Variants in DIP2C observed in about 807,000 individuals in gnomAD.
The protein encoded by DIP2C is DIP2 acetate--CoA ligase C (putative).
Under a neutral mutation model 192.4 loss-of-function variants are expected in DIP2C, and 33 were observed. The ratio of observed to expected loss-of-function variants is 0.17; its 90% CI spans 0.13 to 0.23. DIP2C has a LOEUF of 0.23. DIP2C is among the 10% of genes least tolerant of loss of function. DIP2C has a pLI of 1.00. For synonymous variants in DIP2C, 979 were observed against 864.1 expected (o/e 1.13, Z -2.33); for missense variants, 1,537 against 2,110.1 (o/e 0.73, Z 5.32).
Position 545,166 on chromosome 10 carries a change from C to CCTTTTTTTTTTTTTTT in DIP2C, c.86-58637_86-58636insAAAAAAAAAAAAAAAG, listed in dbSNP as rs1554896881. Among the ~76,000 whole-genome samples the CCTTTTTTTTTTTTTTT allele has an allele frequency of 2.0e-3, 169 of 86,372 alleles. 1 individual carries two copies. The highest frequency in any genetic ancestry group is 8.3e-3 in the Middle Eastern group (1 of 120). 56.7% of individuals were successfully genotyped at this position (86,372 alleles called of 152,430 possible). A position where few individuals can be genotyped will look rare whatever the true frequency, so the allele number is the denominator to read the frequency against. Reference sequence around the variant, plus strand: ...TGATCCAACATGACTGGTGTTTTCCCTTTTTTTTTTTTTTTTTTTTTTTGA... The same window carrying CCTTTTTTTTTTTTTTT: ...TGATCCAACATGACTGGTGTTTTCCCCTTTTTTTTTTTTTTTTTTTTTTTTTTTTTTTTTTTTTTGA... On this transcript the variant is annotated intron_variant, in intron 1 of 36. Coordinates refer to ENST00000280886, the MANE Select transcript of DIP2C (RefSeq NM_014974.3).
intron 1 of DIP2C, among the ~76,000 whole-genome samples, chr10:657,718 C>T (rs1445513985): frequency 3.2e-5 from 4 of 126,258 alleles, no homozygotes; most frequent in African/African-American, 5.8e-5. Flanking sequence ...CCTGGACCTG[C>T]CCCTGGACCT....
chr10:607,002 G>A (rs1396514890), intron 1 of DIP2C, among the ~76,000 whole-genome samples: 26 of 152,286 alleles, frequency 1.7e-4, no homozygotes, highest in Admixed American at 1.5e-3. Context: ...GAAATGCTGC[G>A]TGGCCATCAA....
Position 276,773 on chromosome 10 carries a change from CT to C in DIP2C, c.*551del, listed in dbSNP as rs1446356013. On this transcript the variant is annotated 3_prime_UTR_variant, in exon 37 of 37. Coordinates refer to ENST00000280886, the MANE Select transcript of DIP2C (RefSeq NM_014974.3). ...TTCAGCACATTTCTGACAAAGAAAGCTGCTATTATCTAATTGGAAGGTGCTA... is the reference window on the plus strand; with the variant it reads ...TTCAGCACATTTCTGACAAAGAAAGCGCTATTATCTAATTGGAAGGTGCTA... The C allele has an allele frequency of 2.1e-5, 3 of 145,136 alleles. No individual in the cohort carries two copies. Among genetic ancestry groups the C allele is most frequent in the Non-Finnish European group, 3.2e-5 (2 of 63,358 alleles). The allele number at this position is 145,136 out of a possible 1,614,324, so 9.0% of individuals were successfully genotyped here. A position where few individuals can be genotyped will look rare whatever the true frequency, so the allele number is the denominator to read the frequency against.
chr10:524,924 AGAG>A (rs1273678927), intron 1 of DIP2C, among the ~76,000 whole-genome samples: 1 of 150,204 alleles, frequency 6.7e-6, no homozygotes, highest in Non-Finnish European at 1.5e-5. Flanking sequence ...AAAGCAATTC[AGAG>A]GAGATGGTCT....
chr10:499,339 C>T (rs1023661615), intron 1 of DIP2C, among the ~76,000 whole-genome samples: 1 of 151,692 alleles, frequency 6.6e-6, no homozygotes, highest in Non-Finnish European at 1.5e-5. Context: ...CTCTGTGGAC[C>T]GCTGGGCTGC....
Position 661,912 on chromosome 10 carries a change from T to C in DIP2C, c.85+27582A>G, listed in dbSNP as rs1474171801. On this transcript the variant is annotated intron_variant, in intron 1 of 36. Coordinates refer to ENST00000280886, the MANE Select transcript of DIP2C (RefSeq NM_014974.3). ...ACAACGCCGACCTCAGGGTGTAGAC[T>C]CACAGCTTCATCTGCCTTCCTGCAC... 6 of 649,724 alleles carry C rather than the reference T, an allele frequency of 9.2e-6. No homozygotes were observed. In the East Asian group the frequency reaches 1.6e-4, roughly 18 times the overall value. 40.2% of individuals were successfully genotyped at this position (649,724 alleles called of 1,614,324 possible).
intron 1 of DIP2C, among the ~76,000 whole-genome samples, chr10:494,854 ACT>A (rs2133606237): frequency 6.6e-6 from 1 of 152,240 alleles, no homozygotes; most frequent in African/African-American, 2.4e-5. Context: ...TAGAAACAGG[ACT>A]CTATGATCCA....
intron 1 of DIP2C, among the ~76,000 whole-genome samples, chr10:625,053 C>T (rs1467700673): frequency 6.6e-6 from 1 of 152,146 alleles, no homozygotes. Context: ...CTCCTGGAGC[C>T]GCACTATGGG....
At position 636,660 on chromosome 10, in the gene DIP2C, G is replaced by A. The variant is rs149673654; in HGVS notation, c.85+52834C>T. ...TTCTATCTGGGCCACACACTGCGCC[G>A]AGTGACTCTCCTTCCCCATCTTCGT... On this transcript the variant is annotated intron_variant, in intron 1 of 36. Coordinates refer to ENST00000280886, the MANE Select transcript of DIP2C (RefSeq NM_014974.3). This position sits in a 1 kb window ranked among gnomAD's most constrained non-coding sequence, Gnocchi z 4.6. Among the ~76,000 whole-genome samples, 421 of 152,308 alleles carry A rather than the reference G, an allele frequency of 2.8e-3. 3 individuals are homozygous for A. Among genetic ancestry groups the A allele is most frequent in the African/African-American group, 9.4e-3 (392 of 41,564 alleles).
chr10:487,104 A>G (rs562235682), intron 1 of DIP2C, among the ~76,000 whole-genome samples: 16 of 152,374 alleles, frequency 1.1e-4, no homozygotes, highest in African/African-American at 2.9e-4. Flanking sequence ...AAGAATCCAC[A>G]TGTTAAAGCT....
intron 1 of DIP2C, among the ~76,000 whole-genome samples, chr10:502,813 A>G (rs1187142099): frequency 6.6e-6 from 1 of 152,178 alleles, no homozygotes; most frequent in African/African-American, 2.4e-5. Context: ...CACTGAAGAA[A>G]GAAAGGAAAG....
chr10:601,898 C>T (rs761095044), intron 1 of DIP2C, among the ~76,000 whole-genome samples: 2 of 152,148 alleles, frequency 1.3e-5, no homozygotes, highest in Non-Finnish European at 2.9e-5. Flanking sequence ...ACGGGAGGAA[C>T]CAAGATTTGG....
At chr10:306,200 A>T (rs546614786) in intron 32 of DIP2C, among the ~76,000 whole-genome samples, 29 of 152,102 alleles carry the variant, frequency 1.9e-4, no homozygotes, top group Non-Finnish European at 3.5e-4. Context: ...TTCCAGAAGC[A>T]GGGAGAGTGT....
Position 387,947 on chromosome 10 carries a change from T to C in DIP2C, c.1598-138A>G, listed in dbSNP as rs112391664. On this transcript the variant is annotated intron_variant, in intron 13 of 36. Coordinates refer to ENST00000280886, the MANE Select transcript of DIP2C (RefSeq NM_014974.3). ...TCATTTTGCCGTATCTTGGTGGAAATTCTGTAGACTCCAAGTAGGCCGGTT... is the reference window on the plus strand; with the variant it reads ...TCATTTTGCCGTATCTTGGTGGAAACTCTGTAGACTCCAAGTAGGCCGGTT... The C allele has an allele frequency of 3.4e-4, 333 of 986,924 alleles. 1 individual carries two copies. In the African/African-American group the frequency reaches 4.3e-3, roughly 13 times the overall value. The allele number at this position is 986,924 out of a possible 1,614,324, so 61.1% of individuals were successfully genotyped here.
At chr10:536,308 A>AT (rs1373183012) in intron 1 of DIP2C, among the ~76,000 whole-genome samples, 1 of 152,194 alleles carries the variant, frequency 6.6e-6, no homozygotes, top group Admixed American at 6.5e-5. Flanking sequence ...GACCCACCCT[A>AT]TATCCAGGAT....
In DIP2C at chr10:365,430, C is replaced by T. The variant is rs77173321; in HGVS notation, c.2268+845G>A. On this transcript the variant is annotated intron_variant, in intron 19 of 36. Coordinates refer to ENST00000280886, the MANE Select transcript of DIP2C (RefSeq NM_014974.3). Reference sequence around the variant, plus strand: ...GCACACGCCTGTACTCCCAGTGACTCGGAGGCTGAGGCAGGAAGATGGCTT... The same window carrying T: ...GCACACGCCTGTACTCCCAGTGACTTGGAGGCTGAGGCAGGAAGATGGCTT... Among the ~76,000 whole-genome samples, 1,517 of 152,056 alleles carry T rather than the reference C, an allele frequency of 1.0e-2. 15 individuals carry two copies. The highest frequency in any genetic ancestry group is 0.029 in the African/African-American group (1,192 of 41,456).
chr10:359,023 T>C (rs1959193150), intron 22 of DIP2C, among the ~76,000 whole-genome samples: 1 of 152,148 alleles, frequency 6.6e-6, no homozygotes, highest in Non-Finnish European at 1.5e-5. Context: ...GGCCACATGC[T>C]GCATTAGTTA....
chr10:533,412 C>T (rs1014809246), intron 1 of DIP2C, among the ~76,000 whole-genome samples: 12 of 152,236 alleles, frequency 7.9e-5, no homozygotes, highest in Admixed American at 6.5e-4. Context: ...ATAACAGCCT[C>T]GGGGCAAACT....
At chr10:415,949 A>G in intron 6 of DIP2C, 61 bp from the exon 7 acceptor site, 1 of 1,599,686 alleles carries the variant, frequency 6.3e-7, no homozygotes, top group Non-Finnish European at 8.5e-7. Flanking sequence ...GAGCACCCAC[A>G]GTCCCACAGT....
Sources: gnomAD v4.1 joint callset for allele counts (sites outside exome capture counted in the v4.1 genomes callset) on GRCh38, gnomAD v4.1.1 for gene constraint, Gnocchi (gnomAD v3.1) non-coding constraint, MANE v1.5 for transcripts, NCBI Gene and HGNC (gene_info 2026-07-23, HGNC 2026-07-21) for gene names.